Variants in ZNF532 observed in about 807,000 individuals in gnomAD.
ZNF532 encodes zinc finger protein 532.
In ZNF532, 22 loss-of-function variants were observed where a neutral mutation model predicts 89.3. The observed-to-expected ratio is 0.25, with a 90% confidence interval of 0.18 to 0.35. The LOEUF is 0.35. ZNF532 is among the 10% of genes least tolerant of loss of function. The pLI, the probability that ZNF532 is intolerant of heterozygous loss-of-function variation, is 1.00. For synonymous variants in ZNF532, 606 were observed against 649.6 expected (o/e 0.93, Z 1.02); for missense variants, 1,132 against 1,643.4 (o/e 0.69, Z 5.38).
At chr18:58,962,270 C>A (rs142294527) in intron 7 of ZNF532, among the ~76,000 whole-genome samples, 77 of 152,022 alleles carry the variant, frequency 5.1e-4, no homozygotes, top group African/African-American at 1.7e-3. Context: ...CCTTTCTCCT[C>A]GGACACTGGA....
At chr18:58,927,195 G>T (rs989684021) in intron 3 of ZNF532, among the ~76,000 whole-genome samples, 2 of 152,162 alleles carry the variant, frequency 1.3e-5, no homozygotes, top group Non-Finnish European at 1.5e-5. Context: ...AATTGGCAGA[G>T]ATCAAAATTT....
chr18:58,885,365 C>T (rs2058227065), intron 2 of ZNF532, among the ~76,000 whole-genome samples: 1 of 152,004 alleles, frequency 6.6e-6, no homozygotes, highest in Non-Finnish European at 1.5e-5. Flanking sequence ...ACAAAAGTAC[C>T]TTTGACAGAA....
intron 9 of ZNF532, among the ~76,000 whole-genome samples, chr18:58,982,001 CAAAAAAAAAA>C (rs60019659): frequency 2.4e-5 from 2 of 83,312 alleles, no homozygotes; most frequent in African/African-American, 8.6e-5. Flanking sequence ...GAGACTCTCC[CAAAAAAAAAA>C]AAAAAAAAAA....
At position 58,900,937 on chromosome 18, in the gene ZNF532, TA is replaced by T. The variant is rs112081243; in HGVS notation, c.-17-17324del. 5.5e-4 allele frequency among the ~76,000 whole-genome samples: 82 copies of T among 149,772 alleles called. 1 individual carries two copies. Among genetic ancestry groups the T allele is most frequent in the African/African-American group, 1.7e-3 (69 of 40,906 alleles). Reference sequence around the variant, plus strand: ...CCTGTCTCTATTTGCCTATTTAAATTAAAAAAAAAATACTTTTAATGCCATC... The same window carrying T: ...CCTGTCTCTATTTGCCTATTTAAATTAAAAAAAAATACTTTTAATGCCATC... On this transcript the variant is annotated intron_variant, in intron 2 of 9. Coordinates refer to ENST00000591808, the MANE Select transcript of ZNF532 (RefSeq NM_001375912.1).
rs1413066009 is a variant in ZNF532, at chr18:58,915,168, T to C, written c.-17-3103T>C. Among the ~76,000 whole-genome samples the C allele has an allele frequency of 2.0e-5, 3 of 152,196 alleles. No individual in the cohort carries two copies. In the East Asian group the frequency reaches 5.8e-4, roughly 29 times the overall value. On this transcript the variant is annotated intron_variant, in intron 2 of 9. Coordinates refer to ENST00000591808, the MANE Select transcript of ZNF532 (RefSeq NM_001375912.1). ...ACAGAGTGGTATCCATTCCATTAGT[T>C]ATACAACCCCAGAGAGGGGAGTCCA...
Position 58,984,475 on chromosome 18 carries a change from G to T in ZNF532, c.*9G>T, listed in dbSNP as rs764345100. On this transcript the variant is annotated 3_prime_UTR_variant, in exon 10 of 10. Coordinates refer to ENST00000591808, the MANE Select transcript of ZNF532 (RefSeq NM_001375912.1). The stretch of plus-strand genomic sequence containing the variant: ...GCTCAGCCGAGAAATAGCCACAGAT[G>T]CTCCATGAGGAAAATCCCTGTCCAC... 21 of 1,603,200 alleles carry T rather than the reference G, an allele frequency of 1.3e-5. No homozygotes were observed. The Admixed American group carries it at 3.5e-4, about 27-fold the overall frequency.
chr18:58,868,525 T>C (rs915010879), intron 2 of ZNF532, among the ~76,000 whole-genome samples: 1 of 152,166 alleles, frequency 6.6e-6, no homozygotes, highest in African/African-American at 2.4e-5. Context: ...TATAGGGACA[T>C]GGTTCTCTCG....
intron 7 of ZNF532, among the ~76,000 whole-genome samples, chr18:58,964,873 C>T (rs2065766329): frequency 6.6e-6 from 1 of 151,336 alleles, no homozygotes; most frequent in Non-Finnish European, 1.5e-5. Flanking sequence ...TCCCAAAGTG[C>T]CAGGATTACA....
chr18:58,928,793 T>TG (rs2146327838), intron 3 of ZNF532, among the ~76,000 whole-genome samples: 1 of 152,362 alleles, frequency 6.6e-6, no homozygotes, highest in South Asian at 2.1e-4. Flanking sequence ...ATCTCTGCTT[T>TG]GGGTTACGTT....
At chr18:58,902,724 T>A (rs2059680446) in intron 2 of ZNF532, among the ~76,000 whole-genome samples, 1 of 152,058 alleles carries the variant, frequency 6.6e-6, no homozygotes, top group Non-Finnish European at 1.5e-5. Flanking sequence ...ACTCCCAACC[T>A]CAGGTGATCC....
At chr18:58,981,712 A>G in intron 9 of ZNF532, 95 bp downstream of exon 9, 3 of 1,521,796 alleles carry the variant, frequency 2.0e-6, no homozygotes, top group African/African-American at 1.4e-5. Context: ...GCATAGTTAC[A>G]GTTTTAAAAA....
rs1568311249 is a variant in ZNF532, at chr18:58,918,335, A to C, written c.48A>C (p.Ala16=). The C allele has an allele frequency of 1.2e-6, 2 of 1,614,070 alleles. No individual in the cohort carries two copies. Among genetic ancestry groups the C allele is most frequent in the Non-Finnish European group, 1.7e-6 (2 of 1,180,040 alleles). ...MKTPDFDDLL[A]AFDIPDMVDP... ...CCCCAGACTTTGATGACCTCCTGGC[A>C]GCATTTGACATCCCAGATATGGTCG... Residue 16 remains alanine, a synonymous_variant, in exon 3 of 10, where the codon GCA becomes GCC. Transcript: ENST00000591808.
intron 5 of ZNF532, among the ~76,000 whole-genome samples, chr18:58,943,080 C>A (rs1017846836): frequency 6.6e-6 from 1 of 151,464 alleles, no homozygotes; most frequent in Non-Finnish European, 1.5e-5. Flanking sequence ...TAGTACCCTG[C>A]TGTTTAAAAG....
chr18:58,879,467 G>A (rs927231075), intron 2 of ZNF532, among the ~76,000 whole-genome samples: 2 of 152,220 alleles, frequency 1.3e-5, no homozygotes, highest in African/African-American at 4.8e-5. Flanking sequence ...GCACAGTCTC[G>A]GCTCGCTGCA....
In ZNF532 at chr18:58,969,445, C is replaced by T. The variant is rs576498409; in HGVS notation, c.3151-9610C>T. On this transcript the variant is annotated intron_variant, in intron 7 of 9. Coordinates refer to ENST00000591808, the MANE Select transcript of ZNF532 (RefSeq NM_001375912.1). ...AACACCGACACGGAGCACAGAGGGG[C>T]GTCTTCATCGCTGCCCGGCAGCTTG... is the stretch of plus-strand genomic sequence containing the variant. 2.6e-5 allele frequency among the ~76,000 whole-genome samples: 4 copies of T among 152,330 alleles called. No individual in the cohort carries two copies. The South Asian group carries it at 8.3e-4, about 32-fold the overall frequency.
At chr18:58,934,386 A>G in intron 3 of ZNF532, 47 bp from the exon 4 acceptor site, 1 of 1,550,486 alleles carries the variant, frequency 6.4e-7, no homozygotes, top group South Asian at 1.2e-5. Flanking sequence ...TGCATATTAG[A>G]AAGTACTTAG....
intron 2 of ZNF532, among the ~76,000 whole-genome samples, chr18:58,867,049 T>C (rs1343375567): frequency 6.6e-6 from 1 of 152,286 alleles, no homozygotes; most frequent in Non-Finnish European, 1.5e-5. Flanking sequence ...CGTGGTGTGC[T>C]GCTTCTGCGT....
At chr18:58,896,665 A>C (rs566264024) in intron 2 of ZNF532, 1 of 152,090 alleles carries the variant, frequency 6.6e-6, no homozygotes, top group East Asian at 1.9e-4. Flanking sequence ...TCTGTAACCT[A>C]TTTGGGCCTT....
At chr18:58,880,757 C>CGTGTGTGTGTGTGTGTGTGTGTGTGTGT (rs1413761160) in intron 2 of ZNF532, among the ~76,000 whole-genome samples, 1 of 121,328 alleles carries the variant, frequency 8.2e-6, no homozygotes, top group Admixed American at 8.3e-5. Context: ...CATAGGCGCG[C>CGTGTGTGTGTGTGTGTGTGTGTGTGTGT]GCGCACGCGC....
Sources: allele counts gnomAD v4.1 joint callset (sites outside exome capture counted in the v4.1 genomes callset), GRCh38; gene constraint gnomAD v4.1.1; transcripts MANE v1.5; gene names NCBI Gene and HGNC (gene_info 2026-07-23, HGNC 2026-07-21).